The following FYB2 variants were observed in gnomAD, a reference collection of about 807,000 sequenced individuals.
The protein encoded by FYB2 is FYN-binding protein 2.
A neutral mutation model predicts 94.1 loss-of-function variants in FYB2; 103 were observed. The observed-to-expected ratio is 1.09, with a 90% confidence interval of 0.93 to 1.29. The LOEUF is 1.29. Among genes scored for constraint, FYB2 ranks in the 50% most tolerant of loss-of-function variants. The pLI, the probability that FYB2 is intolerant of heterozygous loss-of-function variation, is 0.00. For missense variants in FYB2, 896 were observed against 841.5 expected (o/e 1.06, Z -0.80); for synonymous variants, 293 against 287.9 (o/e 1.02, Z -0.18).
intron 1 of FYB2, among the ~76,000 whole-genome samples, chr1:56,799,154 A>G (rs1306644129): frequency 6.6e-6 from 1 of 152,200 alleles, no homozygotes; most frequent in Non-Finnish European, 1.5e-5. Flanking sequence ...TTATAGATAG[A>G]CTAAGAGAGA....
intron 7 of FYB2, among the ~76,000 whole-genome samples, chr1:56,754,548 A>G (rs911847860): frequency 1.3e-5 from 2 of 152,104 alleles, no homozygotes; most frequent in African/African-American, 4.8e-5. Flanking sequence ...CAACCACTAA[A>G]AATCAAGGCA....
At chr1:56,774,572 G>C (rs1028420593) in intron 4 of FYB2, among the ~76,000 whole-genome samples, 7 of 151,700 alleles carry the variant, frequency 4.6e-5, no homozygotes, top group Admixed American at 4.6e-4. Context: ...ATTTTCATTT[G>C]TGTATATATG....
At chr1:56,779,685 T>G (rs1191295780) in intron 4 of FYB2, among the ~76,000 whole-genome samples, 1 of 152,210 alleles carries the variant, frequency 6.6e-6, no homozygotes, top group African/African-American at 2.4e-5. Flanking sequence ...GTTATTCCAC[T>G]GGCCCATCAC....
chr1:56,736,424 CT>C (rs59242700), intron 15 of FYB2, among the ~76,000 whole-genome samples: 15,046 of 119,808 alleles, frequency 0.13, 698 homozygotes, highest in East Asian at 0.23. Context: ...TTAAGGATGG[CT>C]TTTTTTTTTT....
chr1:56,757,739 T>TTTCTTTCA (rs1553159496), intron 6 of FYB2, among the ~76,000 whole-genome samples: 4 of 126,328 alleles, frequency 3.2e-5, no homozygotes. Flanking sequence ...TCTTTCATTC[T>TTTCTTTCA]TTCTTTCTTT....
chr1:56,776,100 G>T (rs1030851032), intron 4 of FYB2, among the ~76,000 whole-genome samples: 1 of 152,038 alleles, frequency 6.6e-6, no homozygotes, highest in Non-Finnish European at 1.5e-5. Flanking sequence ...TAGTCCATTG[G>T]TTCTCTCCTC....
At chr1:56,766,816 A>G (rs1645635469) in intron 5 of FYB2, among the ~76,000 whole-genome samples, 1 of 152,170 alleles carries the variant, frequency 6.6e-6, no homozygotes, top group East Asian at 1.9e-4. Context: ...CTAAGTATGT[A>G]TTCCCAGGAA....
In FYB2 at chr1:56,797,070, T is replaced by A. The variant is rs114349694; in HGVS notation, c.10-4267A>T. Among the ~76,000 whole-genome samples the A allele has an allele frequency of 1.6e-3, 250 of 152,222 alleles. 1 individual carries two copies. The highest frequency in any genetic ancestry group is 5.8e-3 in the African/African-American group (239 of 41,540). ...GGGAACATAGAAAAGGGGCTTATGA[T>A]GCAAACCTGGTTGCCAAGCAGGTTT... On this transcript the variant is annotated intron_variant, in intron 1 of 19. Transcript: ENST00000343433.
intron 13 of FYB2, among the ~76,000 whole-genome samples, chr1:56,739,345 T>A (rs1644899489): frequency 6.6e-6 from 1 of 152,012 alleles, no homozygotes; most frequent in South Asian, 2.1e-4. Context: ...GTGCATAGGG[T>A]CTCGCTGACC....
intron 1 of FYB2, among the ~76,000 whole-genome samples, chr1:56,800,099 C>T (rs1247594047): frequency 6.6e-6 from 1 of 152,182 alleles, no homozygotes; most frequent in Non-Finnish European, 1.5e-5. Flanking sequence ...CTGAACATTC[C>T]TCTGTGGTAA....
At chr1:56,790,499 TA>T (rs1323848269) in intron 2 of FYB2, among the ~76,000 whole-genome samples, 1 of 152,226 alleles carries the variant, frequency 6.6e-6, no homozygotes, top group Non-Finnish European at 1.5e-5. Context: ...ATCTGGTAGA[TA>T]ATACATTCTT....
At chr1:56,812,780 A>G (rs892404253) in intron 1 of FYB2, among the ~76,000 whole-genome samples, 1 of 152,208 alleles carries the variant, frequency 6.6e-6, no homozygotes, top group Admixed American at 6.5e-5. Context: ...AGGTCAAAAT[A>G]ACAACATGAT....
intron 12 of FYB2, 89 bp downstream of exon 12, chr1:56,742,072 G>A: frequency 1.8e-6 from 2 of 1,103,242 alleles, no homozygotes; most frequent in African/African-American, 1.6e-5. Context: ...GGGGCTGGGG[G>A]GCGGATGGTG....
At chr1:56,737,292 G>A in intron 14 of FYB2, 145 bp from the exon 15 acceptor site, 1 of 498,616 alleles carries the variant, frequency 2.0e-6, no homozygotes, top group South Asian at 3.6e-5. Context: ...ATACAGATAG[G>A]CTAGAAGAAT....
chr1:56,791,619 C>G (rs774878435), intron 2 of FYB2, among the ~76,000 whole-genome samples: 1 of 152,070 alleles, frequency 6.6e-6, no homozygotes. Context: ...CAAGAGCTTG[C>G]CGACAGATTC....
rs112170055 is a variant in FYB2, at chr1:56,737,360, G to C, written c.1733-213C>G. 80 of 427,448 alleles carry C rather than the reference G, an allele frequency of 1.9e-4. 3 individuals are homozygous for C. Among genetic ancestry groups the C allele is most frequent in the African/African-American group, 1.4e-3 (68 of 47,960 alleles). The allele number at this position is 427,448 out of a possible 1,614,324, so 26.5% of individuals were successfully genotyped here. The stretch of plus-strand genomic sequence containing the variant: ...AATTCAACTGAAAGATTAAAAAAAA[G>C]TGTGATGTCCCAGTATCTCAAAACA... On this transcript the variant is annotated intron_variant, in intron 14 of 19. Transcript: ENST00000343433.
upstream of FYB2, among the ~76,000 whole-genome samples, chr1:56,821,021 G>C (rs190868332): frequency 1.3e-5 from 2 of 151,860 alleles, no homozygotes; most frequent in East Asian, 3.9e-4. Flanking sequence ...CAGTTGGGGG[G>C]CCTATTTCTG....
chr1:56,752,073 T>C (rs1738404), intron 8 of FYB2, among the ~76,000 whole-genome samples: 114,774 of 151,780 alleles, frequency 0.76, 44,657 homozygotes, highest in East Asian at 0.95. Flanking sequence ...GGGAAGTGTT[T>C]GTGTCCTTAT....
chr1:56,822,968 C>T (rs993967735), upstream of FYB2, among the ~76,000 whole-genome samples: 2 of 152,026 alleles, frequency 1.3e-5, no homozygotes, highest in Non-Finnish European at 2.9e-5. Context: ...TCCAGCACAA[C>T]ATGTAATTTA....
Sources: gnomAD v4.1 joint callset for allele counts (sites outside exome capture counted in the v4.1 genomes callset) on GRCh38, gnomAD v4.1.1 for gene constraint, MANE v1.5 for transcripts, NCBI Gene and HGNC (gene_info 2026-07-23, HGNC 2026-07-21) for gene names.